Variants in ANKRD36 observed in about 807,000 individuals in gnomAD.
ANKRD36 encodes ankyrin repeat domain-containing protein 36A.
ANKRD36 carries 179 observed loss-of-function variants against 278.1 expected under a neutral mutation model. The ratio of observed to expected loss-of-function variants is 0.64; its 90% CI spans 0.57 to 0.73. The LOEUF is 0.73. Ranked by LOEUF, ANKRD36 falls within the 30% of genes least tolerant of loss-of-function variation. ANKRD36 has a pLI of 0.00. For missense variants in ANKRD36, 1,159 were observed against 1,956.7 expected (o/e 0.59, Z 7.69); for synonymous variants, 320 against 641.1 (o/e 0.50, Z 7.57).
chr2:97,205,905 C>T lies in ANKRD36; in HGVS notation c.3062-35C>T, dbSNP rs1402945600. 1.2e-5 allele frequency: 19 copies of T among 1,528,484 alleles called. 1 individual carries two copies. In the South Asian group the frequency reaches 1.7e-4, roughly 13 times the overall value. 94.7% of individuals were successfully genotyped at this position (1,528,484 alleles called of 1,614,324 possible). A position where few individuals can be genotyped will look rare whatever the true frequency, so the allele number is the denominator to read the frequency against. On this transcript the variant is annotated intron_variant, in intron 50 of 75. Coordinates refer to ENST00000420699, the MANE Select transcript of ANKRD36 (RefSeq NM_001354587.1). ...TGTATGGATATCTTTATCATATTTA[C>T]ATATGACTGATTATGAATCACTTTT...
chr2:97,230,503 A>T (rs2071574148), intron 67 of ANKRD36, among the ~76,000 whole-genome samples: 3 of 152,054 alleles, frequency 2.0e-5, no homozygotes, highest in Non-Finnish European at 4.4e-5. Flanking sequence ...TCCTTTAAGC[A>T]CTTCTCTGTA....
chr2:97,212,458 A>T (rs4375909), intron 58 of ANKRD36, among the ~76,000 whole-genome samples: 97,415 of 151,228 alleles, frequency 0.64, 31,460 homozygotes, highest in Non-Finnish European at 0.79. Flanking sequence ...CAGTTATAAA[A>T]CTGAGATAAA....
intron 66 of ANKRD36, among the ~76,000 whole-genome samples, chr2:97,220,872 ACC>A (rs1197358937): frequency 6.9e-6 from 1 of 145,184 alleles, no homozygotes; most frequent in African/African-American, 2.6e-5. Context: ...GGTGCGCTGC[ACC>A]CACTAACGTG....
chr2:97,211,447 C>G lies in ANKRD36; in HGVS notation c.3368-99C>G, dbSNP rs1289374197. On this transcript the variant is annotated intron_variant, in intron 56 of 75. Transcript: ENST00000420699. ...GAAGCCGTCAAGGCCTACACTAATA[C>G]AGGCTGGGGGACAGAGTTTGATGCT... is the stretch of plus-strand genomic sequence containing the variant. The G allele has an allele frequency of 3.9e-6, 6 of 1,528,116 alleles. No homozygotes were observed. In the Admixed American group the frequency reaches 7.1e-5, roughly 18 times the overall value. The allele number at this position is 1,528,116 out of a possible 1,614,324, so 94.7% of individuals were successfully genotyped here.
chr2:97,228,371 G>T (rs1241149079), intron 67 of ANKRD36, among the ~76,000 whole-genome samples: 1 of 152,090 alleles, frequency 6.6e-6, no homozygotes, highest in Non-Finnish European at 1.5e-5. Context: ...TTGGGAGTGT[G>T]TATGTGTCCA....
rs750728588 is a variant in ANKRD36 at position 97,211,742 on chromosome 2, G to A, written c.3469+1G>A. The stretch of plus-strand genomic sequence containing the variant: ...AAGGATGAACAAATATCTGGGACAG[G>A]TAATTTTGCAAACACATTTAATATG... On this transcript the variant is annotated splice_donor_variant, in intron 58 of 75. Transcript: ENST00000420699. LOFTEE classifies it high-confidence loss of function. The A allele has an allele frequency of 1.3e-5, 21 of 1,573,680 alleles. No homozygotes were observed. The South Asian group carries it at 1.4e-4, about 11-fold the overall frequency.
At chr2:97,126,381 T>A (rs866430135) in intron 5 of ANKRD36, among the ~76,000 whole-genome samples, 162 of 150,970 alleles carry the variant, frequency 1.1e-3, no homozygotes, top group African/African-American at 3.7e-3. Context: ...GCCCTTGGAA[T>A]TGATGAGCTC....
At chr2:97,217,698 G>A (rs1485377293) in intron 64 of ANKRD36, among the ~76,000 whole-genome samples, 17 of 152,084 alleles carry the variant, frequency 1.1e-4, no homozygotes, top group Middle Eastern at 3.4e-3. Flanking sequence ...AGGGGAAGGA[G>A]AAAGAGAAAA....
rs1034926589 is a variant in ANKRD36, at chr2:97,207,248, A to G, written c.3164-563A>G. 5.3e-5 allele frequency among the ~76,000 whole-genome samples: 8 copies of G among 151,468 alleles called. 1 individual carries two copies. Among genetic ancestry groups the G allele is most frequent in the African/African-American group, 1.9e-4 (8 of 41,344 alleles). ...CATATGGGGGTGAGAGATAATGAAT[A>G]TTATCTACTAGGTATCAGCAAACAG... On this transcript the variant is annotated intron_variant, in intron 52 of 75. Transcript: ENST00000420699.
intron 46 of ANKRD36, among the ~76,000 whole-genome samples, chr2:97,201,073 A>T (rs1427801944): frequency 6.6e-6 from 1 of 151,888 alleles, no homozygotes; most frequent in Non-Finnish European, 1.5e-5. Flanking sequence ...CTTCAGATGC[A>T]TTTGGAATAT....
intron 68 of ANKRD36, among the ~76,000 whole-genome samples, chr2:97,235,112 GTGTT>G (rs1465704874): frequency 6.6e-6 from 1 of 151,176 alleles, no homozygotes; most frequent in Non-Finnish European, 1.5e-5. Context: ...GATTGTTCCT[GTGTT>G]TGTTCTAGAA....
At chr2:97,227,142 G>A (rs1300095874) in intron 67 of ANKRD36, among the ~76,000 whole-genome samples, 54 of 152,206 alleles carry the variant, frequency 3.5e-4, no homozygotes, top group Admixed American at 6.5e-5. Context: ...CTTTAAAGTA[G>A]TTTTTTCCAA....
chr2:97,147,255 T>G (rs895624270), intron 11 of ANKRD36, among the ~76,000 whole-genome samples: 3 of 151,926 alleles, frequency 2.0e-5, no homozygotes, highest in Non-Finnish European at 4.4e-5. Context: ...TGCTGAAGCT[T>G]TTTCTTATTT....
At chr2:97,184,586 C>T (rs1266419856) in intron 28 of ANKRD36, among the ~76,000 whole-genome samples, 2 of 151,502 alleles carry the variant, frequency 1.3e-5, no homozygotes, top group Non-Finnish European at 2.9e-5. Context: ...ATATCTAATG[C>T]CAGGAGCCAT....
In ANKRD36 at chr2:97,194,736, G is replaced by A. The variant is rs1419716373; in HGVS notation, c.2460G>A (p.Arg820=). ...DGEKSRTVSS[R]KKPALKATSD... ...CCTTTTGCTTTTCAGTGTCTTCTCG[G>A]AAAAAACCAGCCTTGAAGGTAATGA... is the stretch of plus-strand genomic sequence containing the variant. The change falls in exon 39 of 76, where the codon CGG becomes CGA. Residue 820 remains arginine (R), a synonymous_variant. Coordinates refer to ENST00000420699, the MANE Select transcript of ANKRD36 (RefSeq NM_001354587.1). 1 of 1,604,360 alleles carries A rather than the reference G, an allele frequency of 6.2e-7. No homozygotes were observed. The highest frequency in any genetic ancestry group is 8.5e-7 in the Non-Finnish European group (1 of 1,178,428).
intron 52 of ANKRD36, among the ~76,000 whole-genome samples, chr2:97,206,492 C>G (rs763540702): frequency 2.6e-4 from 40 of 151,416 alleles, no homozygotes; most frequent in Non-Finnish European, 4.6e-4. Flanking sequence ...TCACATCATA[C>G]TGCTAAAAAC....
chr2:97,175,836 A>G (rs373365592), intron 22 of ANKRD36, among the ~76,000 whole-genome samples: 2 of 150,668 alleles, frequency 1.3e-5, no homozygotes, highest in African/African-American at 2.4e-5. Flanking sequence ...CTTTGTTCTC[A>G]TTGGTTTCAA....
At chr2:97,171,632 C>T (rs2052555313) in intron 22 of ANKRD36, among the ~76,000 whole-genome samples, 1 of 137,680 alleles carries the variant, frequency 7.3e-6, no homozygotes, top group Non-Finnish European at 1.5e-5. Flanking sequence ...AGCGCACCAG[C>T]ATGGCACATG....
intron 22 of ANKRD36, among the ~76,000 whole-genome samples, chr2:97,174,492 A>G (rs1374311028): frequency 6.6e-6 from 1 of 151,750 alleles, no homozygotes; most frequent in African/African-American, 2.4e-5. Context: ...ATAAACGTGA[A>G]TATGCATACA....
Sources: gnomAD v4.1 joint callset for allele counts (sites outside exome capture counted in the v4.1 genomes callset) on GRCh38, gnomAD v4.1.1 for gene constraint, MANE v1.5 for transcripts, NCBI Gene and HGNC (gene_info 2026-07-23, HGNC 2026-07-21) for gene names.